SIGLEC1: variants seen among roughly 807,000 people sequenced by gnomAD.
SIGLEC1 encodes the protein sialoadhesin.
SIGLEC1 carries 132 observed loss-of-function variants against 148.0 expected under a neutral mutation model. The observed-to-expected ratio is 0.89, with a 90% confidence interval of 0.77 to 1.03. The LOEUF (loss-of-function observed/expected upper bound fraction) is 1.03, where lower values mean the gene tolerates loss of function less well. SIGLEC1 is among the 50% of genes least tolerant of loss of function. The pLI, the probability that SIGLEC1 is intolerant of heterozygous loss-of-function variation, is 0.00. For missense variants in SIGLEC1, 2,253 were observed against 2,271.4 expected, an observed-to-expected ratio of 0.99 and a Z score of 0.16; for synonymous variants, 945 against 969.0, an observed-to-expected ratio of 0.98 and a Z score of 0.46.
rs774358587 is a variant in SIGLEC1 at position 3,705,993 on chromosome 20, C to A, written c.457G>T (p.Gly153Cys). The change falls in exon 4 of 22, where the codon GGC becomes TGC. Residue 153 changes from glycine (G) to cysteine (C), a missense_variant. Transcript: ENST00000344754. The part of the protein sequence containing the change: ...TIASPVELLE[G>C]TEVDFNCSTP... ...GAGCAGTTGAAGTCCACCTCTGTGC[C>A]CTCGAGAAGCTCCACCGGGGAGGCA... The A allele has an allele frequency of 6.2e-7, 1 of 1,613,918 alleles. No individual in the cohort carries two copies. The highest frequency in any genetic ancestry group is 1.7e-5 in the Admixed American group (1 of 60,030).
At chr20:3,690,613 G>A (rs1476470288) in intron 18 of SIGLEC1, among the ~76,000 whole-genome samples, 1 of 152,230 alleles carries the variant, frequency 6.6e-6, no homozygotes, top group Non-Finnish European at 1.5e-5. Context: ...AACAACAGAA[G>A]AACTCCCCAG....
intron 4 of SIGLEC1, among the ~76,000 whole-genome samples, chr20:3,705,291 C>A (rs546436064): frequency 4.6e-5 from 7 of 152,330 alleles, no homozygotes; most frequent in African/African-American, 1.4e-4. Context: ...GCCACCGCGC[C>A]CGGCCCATCT....
In SIGLEC1 at chr20:3,694,856, C is replaced by G. The variant is rs892742329; in HGVS notation, c.2751G>C (p.Gln917His). The change falls in exon 12 of 22, where the codon CAG becomes CAC. Residue 917 changes from glutamine (Q) to histidine (H), a missense_variant. Physicochemically the swap from Gln to His is conservative, Grantham distance 24. Coordinates refer to ENST00000344754, the MANE Select transcript of SIGLEC1 (RefSeq NM_023068.4). ...TCCCCTCTGGGACTCCTGTGTGTAC[C>G]TGGCAGCTCAGGACCACAGCCTGGC... ...QEGQAVVLSC[Q>H]VHTGVPEGTS... 1.2e-6 allele frequency: 2 copies of G among 1,613,368 alleles called. No individual in the cohort carries two copies.
Position 3,698,024 on chromosome 20 carries a change from G to A in SIGLEC1, c.1896C>T (p.Ala632=). 6.2e-7 allele frequency: 1 copy of A among 1,609,608 alleles called. No homozygotes were observed. The highest frequency in any genetic ancestry group is 1.1e-5 in the South Asian group (1 of 90,610). The change falls in exon 9 of 22, where the codon GCC becomes GCT. Residue 632 remains alanine (A), a synonymous_variant. Coordinates refer to ENST00000344754, the MANE Select transcript of SIGLEC1 (RefSeq NM_023068.4). ...GGTCCTTGTGGAGCAGCTGCAGCCT[G>A]GCGGGGGGGTCGCTGTCCACACGGC... is the stretch of plus-strand genomic sequence containing the variant. ...LLCRVDSDPP[A]RLQLLHKDRV... is the part of the protein sequence containing the mutation.
chr20:3,703,554 T>A, intron 5 of SIGLEC1, 103 bp from the exon 6 acceptor site: 2 of 1,404,610 alleles, frequency 1.4e-6, no homozygotes, highest in Non-Finnish European at 1.9e-6. Context: ...TCTCTGCACA[T>A]CCTACACCAC....
At position 3,706,580 on chromosome 20, in the gene SIGLEC1, C is replaced by A. The variant is rs141994930; in HGVS notation, c.176G>T (p.Trp59Leu). 3.1e-4 allele frequency: 499 copies of A among 1,612,406 alleles called. 1 individual carries two copies. Among genetic ancestry groups the A allele is most frequent in the Non-Finnish European group, 4.1e-4 (486 of 1,179,644 alleles). ...VEVPDGITAI[W>L]YYDYSGQRQV... is the part of the protein sequence containing the mutation. ...CCGCTGGCCCGAGTAGTCGTAGTAC[C>A]AGATGGCCGTGATGCCGTCGGGCAC... Residue 59 changes from tryptophan to leucine, a missense_variant, in exon 3 of 22, where the codon TGG (tryptophan) becomes TTG (leucine). Transcript: ENST00000344754.
Position 3,698,096 on chromosome 20 carries a change from G to A in SIGLEC1, c.1824C>T (p.Asp608=), listed in dbSNP as rs2087820468. The A allele has an allele frequency of 6.2e-7, 1 of 1,606,308 alleles. No individual in the cohort carries two copies. The highest frequency in any genetic ancestry group is 8.5e-7 in the Non-Finnish European group (1 of 1,177,770). ...CAGCCCCGGCCCCAGCGGCATCAAG[G>A]TCCAGCCTGGTGGTGAATGTTGGTT... ...PRQPTFTTRL[D]LDAAGAGAGR... The change falls in exon 9 of 22, where the codon GAC becomes GAT. Residue 608 remains aspartate (D), a synonymous_variant. Coordinates refer to ENST00000344754, the MANE Select transcript of SIGLEC1 (RefSeq NM_023068.4).
At position 3,697,797 on chromosome 20, in the gene SIGLEC1, C is replaced by A. The variant is rs868699682; in HGVS notation, c.2122+1G>T. ...GGCCACCCATTCCCTGCCTGACTCA[C>A]CCTGGCCATTGAAGGTGGCTGAGGT... On this transcript the variant is annotated splice_donor_variant, in intron 9 of 21. Coordinates refer to ENST00000344754, the MANE Select transcript of SIGLEC1 (RefSeq NM_023068.4). LOFTEE classifies it high-confidence loss of function. 1 of 1,612,358 alleles carries A rather than the reference C, an allele frequency of 6.2e-7. No individual in the cohort carries two copies. The highest frequency in any genetic ancestry group is 1.3e-5 in the African/African-American group (1 of 74,906).
In SIGLEC1 at chr20:3,696,704, C is replaced by A. The variant is rs370123788; in HGVS notation, c.2565G>T (p.Glu855Asp). 7 of 1,613,658 alleles carry A rather than the reference C, an allele frequency of 4.3e-6. No homozygotes were observed. The highest frequency in any genetic ancestry group is 5.9e-6 in the Non-Finnish European group (7 of 1,180,026). ...GGACCTCTAACTTCAGGGAGTTGGC[C>A]TCAGCTTTAGCCTGGAACCGACCAT... is the stretch of plus-strand genomic sequence containing the variant. ...PSHGRFQAKAEANSLKLEVRE... is the reference protein window; with the variant it reads ...PSHGRFQAKADANSLKLEVRE... The change falls in exon 11 of 22, where the codon GAG becomes GAT. Residue 855 changes from glutamate (E) to aspartate (D), a missense_variant. Glu to Asp is a conservative substitution (Grantham distance 45, BLOSUM62 2). Transcript: ENST00000344754.
intron 7 of SIGLEC1, among the ~76,000 whole-genome samples, 147 bp downstream of exon 7, chr20:3,701,183 CTCTGCCGTTGGG>C (rs1555850023): frequency 6.6e-6 from 1 of 152,236 alleles, no homozygotes; most frequent in Non-Finnish European, 1.5e-5. Flanking sequence ...TTCCAGGAAG[CTCTGCCGTTGGG>C]TCACTGCACA....
At chr20:3,692,253 G>T (rs2088772646) in intron 16 of SIGLEC1, 51 bp from the exon 17 acceptor site, 1 of 1,478,916 alleles carries the variant, frequency 6.8e-7, no homozygotes, top group Non-Finnish European at 9.0e-7. Flanking sequence ...ACCCTGTACT[G>T]CTCATTGCCT....
At chr20:3,695,028 T>G in intron 11 of SIGLEC1, 105 bp from the exon 12 acceptor site, 3 of 1,243,526 alleles carry the variant, frequency 2.4e-6, no homozygotes, top group Non-Finnish European at 3.3e-6. Context: ...CCCCATGTGC[T>G]GGAGCCGCAG....
At chr20:3,696,143 C>T (rs977067245) in intron 11 of SIGLEC1, among the ~76,000 whole-genome samples, 4 of 150,022 alleles carry the variant, frequency 2.7e-5, no homozygotes, top group South Asian at 2.1e-4. Context: ...CACACACAAA[C>T]ACACACACAC....
intron 4 of SIGLEC1, among the ~76,000 whole-genome samples, chr20:3,705,031 T>A (rs1351816034): frequency 6.6e-6 from 1 of 152,226 alleles, no homozygotes. Flanking sequence ...ACAGTCTCAC[T>A]CTGTCACCCA....
rs756754391 is a variant in SIGLEC1, at chr20:3,694,454, T to C, written c.3023A>G (p.Asp1008Gly). ...GRLGLLLCRVDSDPPAQLRLL... is the reference protein window; with the variant it reads ...GRLGLLLCRVGSDPPAQLRLL... ...CCGCAGCTGGGCCGGAGGGTCACTG[T>C]CCACACGGCACAGGAGGAGGCCCAG... Residue 1008 changes from aspartate to glycine, a missense_variant, in exon 13 of 22, where the codon GAC (aspartate) becomes GGC (glycine). Coordinates refer to ENST00000344754, the MANE Select transcript of SIGLEC1 (RefSeq NM_023068.4). The C allele has an allele frequency of 6.2e-7, 1 of 1,608,452 alleles. No homozygotes were observed. Among genetic ancestry groups the C allele is most frequent in the East Asian group, 2.2e-5 (1 of 44,658 alleles).
chr20:3,691,850 G>T lies in SIGLEC1; in HGVS notation c.4330+53C>A, dbSNP rs887037166. The T allele has an allele frequency of 8.5e-6, 13 of 1,522,464 alleles. No homozygotes were observed. The African/African-American group carries it at 1.7e-4, about 19-fold the overall frequency. 94.3% of individuals were successfully genotyped at this position (1,522,464 alleles called of 1,614,324 possible). A position where few individuals can be genotyped will look rare whatever the true frequency, so the allele number is the denominator to read the frequency against. On this transcript the variant is annotated intron_variant, in intron 17 of 21. Transcript: ENST00000344754. ...AGTGGGAGCTCCAGCCCCTCTCGTG[G>T]ACTTGGACCTGAGAGCATCAGAGCC...
Position 3,694,290 on chromosome 20 carries a change from C to T in SIGLEC1, c.3187G>A (p.Gly1063Ser), listed in dbSNP as rs896448860. 6.2e-6 allele frequency: 10 copies of T among 1,612,708 alleles called. No individual in the cohort carries two copies. The highest frequency in any genetic ancestry group is 2.2e-5 in the South Asian group (2 of 91,080). ...EIHGAMLEDEGVYICEASNTL... is the reference protein window; with the variant it reads ...EIHGAMLEDESVYICEASNTL... The stretch of plus-strand genomic sequence containing the variant: ...TTGGAGGCCTCACAGATATAGACAC[C>T]CTCATCCTCCAGCATAGCCCCGTGG... The change falls in exon 13 of 22, where the codon GGT becomes AGT. Residue 1063 changes from glycine (G) to serine (S), a missense_variant. By Grantham distance (56) the Gly-to-Ser change is moderately conservative. Transcript: ENST00000344754.
At position 3,690,177 on chromosome 20, in the gene SIGLEC1, G is replaced by A. The variant is rs537459135; in HGVS notation, c.4679C>T (p.Pro1560Leu). ...AAGGTGGAGAGTCAGGCTGGCGAGC[G>A]GCTCGCTGTCCACTCGGCAATCCAG... ...GILDCRVDSE[P>L]LASLTLHLGS... Residue 1560 changes from proline to leucine, a missense_variant, in exon 19 of 22, where the codon CCG becomes CTG. Transcript: ENST00000344754. 1.5e-5 allele frequency: 23 copies of A among 1,576,932 alleles called. No individual in the cohort carries two copies. Among genetic ancestry groups the A allele is most frequent in the Admixed American group, 1.3e-4 (7 of 54,660 alleles).
chr20:3,690,885 C>T (rs910608456), intron 18 of SIGLEC1, among the ~76,000 whole-genome samples: 3 of 140,802 alleles, frequency 2.1e-5, no homozygotes, highest in African/African-American at 5.4e-5. Flanking sequence ...GGCTGGAGTG[C>T]GTTGTGGTGA....
Sources: gnomAD v4.1 joint callset for allele counts (sites outside exome capture counted in the v4.1 genomes callset) on GRCh38, gnomAD v4.1.1 for gene constraint, MANE v1.5 for transcripts, NCBI Gene and HGNC (gene_info 2026-07-23, HGNC 2026-07-21) for gene names.